Variants in HACL1 observed in about 807,000 individuals in gnomAD.
The protein encoded by HACL1 is 1600020H07Rik.
A neutral mutation model predicts 74.2 loss-of-function variants in HACL1; 64 were observed. The ratio of observed to expected loss-of-function variants is 0.86; its 90% confidence interval spans 0.70 to 1.06. The LOEUF (loss-of-function observed/expected upper bound fraction) is 1.06, where lower values mean the gene tolerates loss of function less well. Among genes scored for constraint, HACL1 ranks in the 50% least tolerant of loss-of-function variants. The probability of loss-of-function intolerance (pLI) is 0.00; values close to 1 mark genes in which losing one functional copy is unlikely to be tolerated. For synonymous variants in HACL1, 230 were observed against 238.8 expected (o/e 0.96, Z 0.34); for missense variants, 728 against 719.7 (o/e 1.01, Z -0.13).
chr3:15,591,832 TA>T (rs1425797176), intron 3 of HACL1, 152 bp from the exon 4 acceptor site: 20 of 547,876 alleles, frequency 3.7e-5, no homozygotes, highest in East Asian at 3.4e-4. Context: ...TATTTTTAAT[TA>T]AAAAACAAGG....
chr3:15,565,529 A>G (rs2125226804), intron 14 of HACL1, among the ~76,000 whole-genome samples: 1 of 152,378 alleles, frequency 6.6e-6, no homozygotes, highest in East Asian at 1.9e-4. Context: ...TATAGCAAAG[A>G]CAAAAAAGAA....
At chr3:15,587,622 G>C (rs191272113) in intron 5 of HACL1, among the ~76,000 whole-genome samples, 24 of 152,154 alleles carry the variant, frequency 1.6e-4, no homozygotes, top group Admixed American at 9.8e-4. Flanking sequence ...TCTTTTTCAC[G>C]TATATAGTTT....
intron 14 of HACL1, among the ~76,000 whole-genome samples, chr3:15,565,305 T>C (rs1447977164): frequency 6.6e-6 from 1 of 152,220 alleles, no homozygotes; most frequent in Non-Finnish European, 1.5e-5. Context: ...CTCTCTAAAG[T>C]ACCACTTCTA....
At chr3:15,583,068 G>A in intron 7 of HACL1, 79 bp from the exon 8 acceptor site, 1 of 684,502 alleles carries the variant, frequency 1.5e-6, no homozygotes, top group Non-Finnish European at 2.6e-6. Flanking sequence ...ATATAGAAAG[G>A]TAGAAAAAAT....
At position 15,586,576 on chromosome 3, in the gene HACL1, C is replaced by G; in HGVS notation, c.408G>C (p.Lys136Asn). 1 of 1,598,642 alleles carries G rather than the reference C, an allele frequency of 6.3e-7. No homozygotes were observed. Among genetic ancestry groups the G allele is most frequent in the Non-Finnish European group, 8.6e-7 (1 of 1,167,372 alleles). ...CTATGCTGCTTGGGCGGGCAGAGAACTTGGTATATAATCTACAAGCTTCAA... is the reference window on the plus strand; with the variant it reads ...CTATGCTGCTTGGGCGGGCAGAGAAGTTGGTATATAATCTACAAGCTTCAA... ...PQVEACRLYT[K>N]FSARPSSIEA... Residue 136 changes from lysine to asparagine, a missense_variant, in exon 6 of 17, where the codon AAG becomes AAC. Coordinates refer to ENST00000321169, the MANE Select transcript of HACL1 (RefSeq NM_012260.4).
intron 9 of HACL1, among the ~76,000 whole-genome samples, chr3:15,576,154 CAAAA>C (rs1185744343): frequency 3.5e-4 from 22 of 62,442 alleles, no homozygotes; most frequent in Admixed American, 7.6e-4. Flanking sequence ...GACTCTGTCT[CAAAA>C]AAAAAAAAAA....
intron 12 of HACL1, among the ~76,000 whole-genome samples, chr3:15,571,036 G>A (rs1393478373): frequency 6.6e-6 from 1 of 151,822 alleles, no homozygotes; most frequent in Non-Finnish European, 1.5e-5. Flanking sequence ...TGAGTGCAGT[G>A]GCATGATCTA....
chr3:15,578,296 C>T (rs1193749000), intron 9 of HACL1, among the ~76,000 whole-genome samples: 1 of 151,842 alleles, frequency 6.6e-6, no homozygotes, highest in Non-Finnish European at 1.5e-5. Context: ...ATTCTCTCTT[C>T]CTGTGTGTAT....
intron 9 of HACL1, among the ~76,000 whole-genome samples, chr3:15,579,674 G>A (rs918245755): frequency 3.3e-5 from 5 of 151,944 alleles, no homozygotes; most frequent in African/African-American, 4.8e-5. Flanking sequence ...AAAGACAAAG[G>A]AAAATCTTGG....
intron 2 of HACL1, among the ~76,000 whole-genome samples, chr3:15,597,167 C>T (rs959482932): frequency 6.6e-6 from 1 of 152,132 alleles, no homozygotes; most frequent in African/African-American, 2.4e-5. Flanking sequence ...CTCAATCAGT[C>T]TATCTTGAAG....
intron 2 of HACL1, chr3:15,600,841 C>G: frequency 1.7e-6 from 1 of 575,864 alleles, no homozygotes; most frequent in Admixed American, 3.0e-5. Flanking sequence ...GACTCAGACC[C>G]AGAATACGTG....
chr3:15,581,667 A>G (rs2063717482), intron 8 of HACL1, among the ~76,000 whole-genome samples: 1 of 151,998 alleles, frequency 6.6e-6, no homozygotes, highest in Non-Finnish European at 1.5e-5. Flanking sequence ...TAGTCCTTCC[A>G]TACTATCTAC....
intron 6 of HACL1, 44 bp downstream of exon 6, chr3:15,586,481 A>T (rs202090845): frequency 9.7e-7 from 1 of 1,029,868 alleles, no homozygotes; most frequent in East Asian, 2.4e-5. Context: ...TGAGCAACTG[A>T]GAAAAATCAG....
At chr3:15,561,031 G>C in intron 16 of HACL1, 134 bp from the exon 17 acceptor site, 1 of 702,920 alleles carries the variant, frequency 1.4e-6, no homozygotes, top group Non-Finnish European at 2.5e-6. Flanking sequence ...TTGTTCTGGT[G>C]CTTTTCCCAA....
At chr3:15,578,847 G>A (rs1193814533) in intron 9 of HACL1, among the ~76,000 whole-genome samples, 2 of 152,126 alleles carry the variant, frequency 1.3e-5, no homozygotes, top group Non-Finnish European at 2.9e-5. Context: ...TTAGTTATGT[G>A]ATACTATAAG....
chr3:15,563,322 T>C lies in HACL1; in HGVS notation c.1704+36A>G, dbSNP rs1274256039. On this transcript the variant is annotated intron_variant, in intron 16 of 16. Coordinates refer to ENST00000321169, the MANE Select transcript of HACL1 (RefSeq NM_012260.4). The stretch of plus-strand genomic sequence containing the variant: ...TTTGGAGGGGGATAGGGGAAGCAGA[T>C]GCATTTCTTGCTTTCTGCTTAGCAA... The C allele has an allele frequency of 2.8e-6, 4 of 1,411,334 alleles. No individual in the cohort carries two copies. In the South Asian group the frequency reaches 3.5e-5, roughly 12 times the overall value. 87.4% of individuals were successfully genotyped at this position (1,411,334 alleles called of 1,614,324 possible). A position where few individuals can be genotyped will look rare whatever the true frequency, so the allele number is the denominator to read the frequency against.
intron 7 of HACL1, among the ~76,000 whole-genome samples, chr3:15,583,317 G>T (rs1244982071): frequency 6.6e-6 from 1 of 152,094 alleles, no homozygotes; most frequent in African/African-American, 2.4e-5. Flanking sequence ...GTTATTCCCT[G>T]ATATCATCTA....
intron 5 of HACL1, among the ~76,000 whole-genome samples, chr3:15,589,188 T>G (rs1040514330): frequency 3.3e-5 from 5 of 152,184 alleles, no homozygotes; most frequent in Non-Finnish European, 2.9e-5. Flanking sequence ...GTGTATGTAT[T>G]GTGTTACTAA....
Position 15,585,280 on chromosome 3 carries a change from A to C in HACL1, c.522T>G (p.Phe174Leu). Residue 174 changes from phenylalanine (F) to leucine (L), a missense_variant, in exon 7 of 17, where the codon TTT (phenylalanine) becomes TTG (leucine). Phe to Leu is a conservative substitution (Grantham distance 22). Coordinates refer to ENST00000321169, the MANE Select transcript of HACL1 (RefSeq NM_012260.4). ...GACYVDIPAD[F>L]VNLQVNVNSI... ...AATTCACATTCACCTGAAGGTTCACAAAATCTGCTGGTATGTCAACATAGC... is the reference window on the plus strand; with the variant it reads ...AATTCACATTCACCTGAAGGTTCACCAAATCTGCTGGTATGTCAACATAGC... 1 of 1,600,926 alleles carries C rather than the reference A, an allele frequency of 6.2e-7. No individual in the cohort carries two copies. The highest frequency in any genetic ancestry group is 8.6e-7 in the Non-Finnish European group (1 of 1,168,014).
Sources: allele counts gnomAD v4.1 joint callset (sites outside exome capture counted in the v4.1 genomes callset), GRCh38; gene constraint gnomAD v4.1.1; transcripts MANE v1.5; gene names NCBI Gene and HGNC (gene_info 2026-07-23, HGNC 2026-07-21).